The following DAB1 variants were observed in gnomAD, a reference collection of about 807,000 sequenced individuals.
DAB1 encodes the protein DAB adaptor protein 1.
Under a neutral mutation model 64.6 loss-of-function variants are expected in DAB1, and 15 were observed. That is an observed-to-expected ratio of 0.23 (90% CI 0.16 to 0.36). The LOEUF (loss-of-function observed/expected upper bound fraction) is 0.36. DAB1 is among the 10% of genes least tolerant of loss of function. DAB1 has a pLI of 1.00. For missense variants in DAB1, 596 were observed against 706.7 expected (o/e 0.84, Z 1.78); for synonymous variants, 235 against 251.9 (o/e 0.93, Z 0.64).
At chr1:57,126,806 G>T (rs1051530886) in intron 4 of DAB1, among the ~76,000 whole-genome samples, 7 of 152,128 alleles carry the variant, frequency 4.6e-5, no homozygotes, top group African/African-American at 1.7e-4. Flanking sequence ...CTCAATCCTG[G>T]TTACCCAGTC....
chr1:58,455,516 G>C (rs1392973707), intron 3 of DAB1, among the ~76,000 whole-genome samples: 1 of 152,230 alleles, frequency 6.6e-6, no homozygotes, highest in Non-Finnish European at 1.5e-5. Flanking sequence ...CGGAGAGAGG[G>C]GTGAGGCGGT....
intron 1 of DAB1, among the ~76,000 whole-genome samples, chr1:57,351,341 C>T (rs541311709): frequency 5.9e-5 from 9 of 152,176 alleles, no homozygotes; most frequent in African/African-American, 1.7e-4. Flanking sequence ...CCAAAAAGAA[C>T]GGAAGTCATT....
chr1:57,018,181 G>A lies in DAB1; in HGVS notation c.896-2750C>T, dbSNP rs138102021. Among the ~76,000 whole-genome samples the A allele has an allele frequency of 3.9e-5, 6 of 152,318 alleles. No individual in the cohort carries two copies. The East Asian group carries it at 1.2e-3, about 29-fold the overall frequency. On this transcript the variant is annotated intron_variant, in intron 11 of 14. Coordinates refer to ENST00000371236, the MANE Select transcript of DAB1 (RefSeq NM_001365792.1). ...AGGAATTCAACAACTGTGCACAGGA[G>A]AGAAGACTGTATTTTTGGTTTGGAA...
At chr1:57,177,788 A>G (rs1662485456) in intron 2 of DAB1, among the ~76,000 whole-genome samples, 1 of 152,128 alleles carries the variant, frequency 6.6e-6, no homozygotes, top group Admixed American at 6.6e-5. Context: ...TTCTTTTTCC[A>G]AAAGTTCTTC....
chr1:58,077,923 G>A (rs564671779), intron 5 of DAB1: 5 of 152,174 alleles, frequency 3.3e-5, no homozygotes, highest in Non-Finnish European at 5.9e-5. Flanking sequence ...AGCTGTGCTC[G>A]AGTCTGAGTT....
chr1:58,485,870 T>C (rs1484887428), intron 3 of DAB1, among the ~76,000 whole-genome samples: 1 of 152,154 alleles, frequency 6.6e-6, no homozygotes, highest in Non-Finnish European at 1.5e-5. Context: ...TATGAATAAA[T>C]CATTATGATA....
At chr1:57,567,636 GACAA>G (rs1205825050) in intron 7 of DAB1, among the ~76,000 whole-genome samples, 1 of 152,096 alleles carries the variant, frequency 6.6e-6, no homozygotes, top group Non-Finnish European at 1.5e-5. Context: ...ACCAATAACA[GACAA>G]ACAGAGAGCC....
intron 5 of DAB1, among the ~76,000 whole-genome samples, chr1:58,002,128 T>A (rs72666201): frequency 1.7e-4 from 26 of 152,278 alleles, no homozygotes; most frequent in Non-Finnish European, 3.5e-4. Flanking sequence ...TGCAAAAAAA[T>A]AAGCTTTTGT....
At chr1:57,904,040 G>A (rs1363814990) in intron 5 of DAB1, among the ~76,000 whole-genome samples, 1 of 152,068 alleles carries the variant, frequency 6.6e-6, no homozygotes, top group Non-Finnish European at 1.5e-5. Flanking sequence ...TCATGCTCTG[G>A]CAATTATGGT....
chr1:57,486,108 T>A (rs1426479924), intron 7 of DAB1, among the ~76,000 whole-genome samples: 1 of 152,218 alleles, frequency 6.6e-6, no homozygotes, highest in Admixed American at 6.5e-5. Context: ...ACAGATAAAT[T>A]AGGTTAATTA....
At chr1:57,756,654 C>T (rs1648821204) in intron 6 of DAB1, among the ~76,000 whole-genome samples, 1 of 151,420 alleles carries the variant, frequency 6.6e-6, no homozygotes, top group South Asian at 2.1e-4. Context: ...GTTATGAGGC[C>T]ACTTCCGTAC....
chr1:57,105,390 T>C (rs1479997697), intron 4 of DAB1, among the ~76,000 whole-genome samples: 1 of 143,518 alleles, frequency 7.0e-6, no homozygotes, highest in Admixed American at 6.8e-5. Context: ...GTGTGGTGTG[T>C]GTGTGTGTCT....
intron 5 of DAB1, among the ~76,000 whole-genome samples, chr1:58,142,226 C>A (rs1176163913): frequency 6.6e-6 from 1 of 152,170 alleles, no homozygotes; most frequent in Admixed American, 6.5e-5. Context: ...CCTCATTTAT[C>A]CCCTGCCACT....
At chr1:57,955,520 A>G (rs1645371626) in intron 5 of DAB1, among the ~76,000 whole-genome samples, 1 of 77,248 alleles carries the variant, frequency 1.3e-5, no homozygotes, top group African/African-American at 3.5e-5. Flanking sequence ...GATGACTCTG[A>G]GGATGGAATG....
chr1:57,274,011 C>A (rs1452029383), intron 2 of DAB1, among the ~76,000 whole-genome samples: 1 of 152,146 alleles, frequency 6.6e-6, no homozygotes, highest in Non-Finnish European at 1.5e-5. Context: ...AATGTACCAA[C>A]CTCGGCATTT....
At chr1:57,377,939 C>T (rs781583738) in intron 1 of DAB1, among the ~76,000 whole-genome samples, 1 of 152,122 alleles carries the variant, frequency 6.6e-6, no homozygotes, top group East Asian at 1.9e-4. Flanking sequence ...AGGACTGTGA[C>T]GTCTGGTGGA....
At chr1:57,947,135 T>A (rs981391363) in intron 5 of DAB1, among the ~76,000 whole-genome samples, 3 of 152,036 alleles carry the variant, frequency 2.0e-5, no homozygotes, top group Non-Finnish European at 2.9e-5. Flanking sequence ...TGTCAAAATA[T>A]GAGGAAACGA....
At chr1:57,590,873 A>T (rs1645438701) in intron 7 of DAB1, among the ~76,000 whole-genome samples, 1 of 152,066 alleles carries the variant, frequency 6.6e-6, no homozygotes, top group African/African-American at 2.4e-5. Flanking sequence ...CAAAAATCTG[A>T]TCCTAAAGTA....
At chr1:58,356,560 C>A (rs1644113685) in intron 3 of DAB1, among the ~76,000 whole-genome samples, 1 of 152,018 alleles carries the variant, frequency 6.6e-6, no homozygotes. Flanking sequence ...AGAGAACCAG[C>A]ATGTAAGATT....
Sources: gnomAD v4.1 joint callset for allele counts (sites outside exome capture counted in the v4.1 genomes callset) on GRCh38, gnomAD v4.1.1 for gene constraint, MANE v1.5 for transcripts, NCBI Gene and HGNC (gene_info 2026-07-23, HGNC 2026-07-21) for gene names.